The following PRKG1 variants were observed in gnomAD, a reference collection of about 807,000 sequenced individuals.
The protein encoded by PRKG1 is cGMP-dependent protein kinase 1.
PRKG1 carries 35 observed loss-of-function variants against 88.1 expected under a neutral mutation model. That is an observed-to-expected ratio of 0.40 (90% CI 0.30 to 0.53). The LOEUF is 0.53. Among genes scored for constraint, PRKG1 ranks in the 20% least tolerant of loss-of-function variants. The pLI, the probability that PRKG1 is intolerant of heterozygous loss-of-function variation, is 0.59. For missense variants in PRKG1, 540 were observed against 839.8 expected (o/e 0.64, Z 4.41); for synonymous variants, 303 against 292.5 (o/e 1.04, Z -0.37).
intron 2 of PRKG1, among the ~76,000 whole-genome samples, chr10:51,158,571 C>A (rs1231919170): frequency 3.3e-5 from 5 of 151,912 alleles, no homozygotes; most frequent in Non-Finnish European, 5.9e-5. Flanking sequence ...ACTTCTTAGG[C>A]CTCTCTGCAT....
intron 3 of PRKG1, among the ~76,000 whole-genome samples, chr10:51,524,670 G>T (rs937176119): frequency 9.9e-5 from 15 of 152,112 alleles, no homozygotes; most frequent in African/African-American, 3.6e-4. Flanking sequence ...ATTCCATTCT[G>T]CCATTTCTGC....
At chr10:52,070,320 C>T (rs1846464923) in intron 7 of PRKG1, among the ~76,000 whole-genome samples, 1 of 152,158 alleles carries the variant, frequency 6.6e-6, no homozygotes, top group African/African-American at 2.4e-5. Context: ...GGTCAAATTT[C>T]ATTTGAAGTG....
At chr10:52,249,705 C>T (rs1405197705) in intron 9 of PRKG1, among the ~76,000 whole-genome samples, 3 of 152,180 alleles carry the variant, frequency 2.0e-5, no homozygotes, top group Admixed American at 6.5e-5. Context: ...CACGTGTAAT[C>T]CCAGCTACTT....
At chr10:51,266,834 G>A (rs909386025) in intron 2 of PRKG1, among the ~76,000 whole-genome samples, 3 of 152,168 alleles carry the variant, frequency 2.0e-5, no homozygotes, top group Non-Finnish European at 4.4e-5. Flanking sequence ...ACGTATTTCT[G>A]AGGGCAGCTC....
chr10:51,505,028 G>A (rs1334071307), intron 3 of PRKG1, among the ~76,000 whole-genome samples: 2 of 152,184 alleles, frequency 1.3e-5, no homozygotes, highest in Non-Finnish European at 2.9e-5. Flanking sequence ...AGTGGTGAGA[G>A]AGGACATCTC....
At chr10:51,640,630 A>G (rs1266602692) in intron 3 of PRKG1, among the ~76,000 whole-genome samples, 2 of 152,162 alleles carry the variant, frequency 1.3e-5, no homozygotes, top group Non-Finnish European at 2.9e-5. Context: ...AAAAATTAAA[A>G]CCATCTGACT....
At chr10:52,293,683 T>C in intron 17 of PRKG1, 119 bp from the exon 18 acceptor site, 2 of 745,930 alleles carry the variant, frequency 2.7e-6, no homozygotes, top group East Asian at 2.6e-5. Flanking sequence ...ACCTGCTACA[T>C]AGTAGATACT....
chr10:51,911,680 AG>A (rs1266828224), intron 5 of PRKG1, among the ~76,000 whole-genome samples: 5 of 152,254 alleles, frequency 3.3e-5, no homozygotes, highest in African/African-American at 1.2e-4. Flanking sequence ...GTTTAACTCA[AG>A]TTGAATAAAC....
chr10:51,254,196 C>A lies in PRKG1; in HGVS notation c.478+100866C>A, dbSNP rs190410793. On this transcript the variant is annotated intron_variant, in intron 2 of 17. Transcript: ENST00000373980. Reference sequence around the variant, plus strand: ...CATTGATTGATTTTTCCAAGAGTTTCTTTTGATTTACAAGCTTGTAAGTAT... The same window carrying A: ...CATTGATTGATTTTTCCAAGAGTTTATTTTGATTTACAAGCTTGTAAGTAT... Among the ~76,000 whole-genome samples the A allele has an allele frequency of 9.2e-5, 14 of 151,956 alleles. No individual in the cohort carries two copies. In the Middle Eastern group the frequency reaches 0.01, roughly 111 times the overall value.
chr10:51,051,395 A>G (rs1843558752), intron 1 of PRKG1, among the ~76,000 whole-genome samples: 1 of 152,130 alleles, frequency 6.6e-6, no homozygotes. Context: ...CAGTTTTCCC[A>G]GTAGCATTTA....
intron 4 of PRKG1, among the ~76,000 whole-genome samples, chr10:51,815,371 A>G (rs899695094): frequency 2.0e-5 from 3 of 152,212 alleles, no homozygotes; most frequent in Admixed American, 1.3e-4. Flanking sequence ...TCTGTAACAA[A>G]CAAATTCAGA....
chr10:51,419,499 T>C (rs1437056204), intron 2 of PRKG1, among the ~76,000 whole-genome samples: 1 of 152,216 alleles, frequency 6.6e-6, no homozygotes, highest in African/African-American at 2.4e-5. Context: ...AATCAATTTT[T>C]TCCTGGGAGG....
intron 3 of PRKG1, among the ~76,000 whole-genome samples, chr10:51,597,075 A>G (rs746482733): frequency 2.6e-5 from 4 of 152,216 alleles, no homozygotes; most frequent in African/African-American, 7.2e-5. Flanking sequence ...TAGGGTTAGG[A>G]AAAGTATATT....
At chr10:51,851,373 T>A (rs944563741) in intron 4 of PRKG1, among the ~76,000 whole-genome samples, 5 of 152,100 alleles carry the variant, frequency 3.3e-5, no homozygotes, top group Non-Finnish European at 5.9e-5. Flanking sequence ...TGGCTTCTAG[T>A]GGATATAGAC....
intron 2 of PRKG1, among the ~76,000 whole-genome samples, chr10:51,409,767 T>C (rs1838024630): frequency 1.4e-5 from 2 of 144,840 alleles, no homozygotes; most frequent in Non-Finnish European, 3.0e-5. Flanking sequence ...GGCAGGAGGA[T>C]GGCTTGAACC....
intron 1 of PRKG1, among the ~76,000 whole-genome samples, chr10:51,149,031 A>G (rs1846002900): frequency 6.6e-6 from 1 of 152,136 alleles, no homozygotes; most frequent in African/African-American, 2.4e-5. Context: ...TTCTCACTGT[A>G]TGCTTCAACC....
chr10:50,996,917 G>C (rs181318724), intron 1 of PRKG1, among the ~76,000 whole-genome samples: 3 of 152,322 alleles, frequency 2.0e-5, no homozygotes, highest in Admixed American at 2.0e-4. Context: ...TTTCTGACAA[G>C]ATTTTAAGGG....
intron 1 of PRKG1, among the ~76,000 whole-genome samples, chr10:51,037,318 A>G (rs1036478601): frequency 6.6e-6 from 1 of 151,648 alleles, no homozygotes; most frequent in African/African-American, 2.4e-5. Flanking sequence ...AAAAATAAAA[A>G]ATTAGTATGG....
chr10:51,954,308 A>G (rs1843253452), intron 5 of PRKG1, among the ~76,000 whole-genome samples: 1 of 152,168 alleles, frequency 6.6e-6, no homozygotes, highest in Admixed American at 6.6e-5. Context: ...GTAGAGACGA[A>G]TGCATGCAGT....
Sources: gnomAD v4.1 joint callset for allele counts (sites outside exome capture counted in the v4.1 genomes callset) on GRCh38, gnomAD v4.1.1 for gene constraint, MANE v1.5 for transcripts, NCBI Gene and HGNC (gene_info 2026-07-23, HGNC 2026-07-21) for gene names.